DCLK2: variants seen among roughly 807,000 people sequenced by gnomAD.
The protein encoded by DCLK2 is doublecortin like kinase 2, also known as serine/threonine-protein kinase DCLK2.
In DCLK2, 31 loss-of-function variants were observed where a neutral mutation model predicts 78.4. The observed-to-expected ratio is 0.40, with a 90% CI of 0.30 to 0.53. The LOEUF is 0.53. Among genes scored for constraint, DCLK2 ranks in the 20% least tolerant of loss-of-function variants. The pLI is 0.61. For missense variants in DCLK2, 872 were observed against 973.7 expected (o/e 0.90, Z 1.39); for synonymous variants, 407 against 374.9 (o/e 1.09, Z -0.99).
intron 2 of DCLK2, among the ~76,000 whole-genome samples, chr4:150,184,009 C>A (rs562432537): frequency 1.8e-3 from 280 of 152,308 alleles, no homozygotes; most frequent in South Asian, 2.9e-3. Flanking sequence ...GCTGGGATTA[C>A]AGGCGTGAGC....
In DCLK2 at chr4:150,240,441, A is replaced by G. The variant is rs760438863; in HGVS notation, c.1743A>G (p.Thr581=). Residue 581 remains threonine (T), a synonymous_variant, in exon 12 of 16, where the codon ACA becomes ACG. Coordinates refer to ENST00000296550, the MANE Select transcript of DCLK2 (RefSeq NM_001040260.4). ...ACATTTGGGCAGCTGGTGTGATCACATACATACTTCTCTGTGGATTCCCAC... is the reference window on the plus strand; with the variant it reads ...ACATTTGGGCAGCTGGTGTGATCACGTACATACTTCTCTGTGGATTCCCAC... ...KVDIWAAGVI[T]YILLCGFPPF... 1 of 1,613,820 alleles carries G rather than the reference A, an allele frequency of 6.2e-7. No individual in the cohort carries two copies. The highest frequency in any genetic ancestry group is 8.5e-7 in the Non-Finnish European group (1 of 1,179,860).
At chr4:150,103,965 A>G (rs1326195441) in intron 2 of DCLK2, among the ~76,000 whole-genome samples, 1 of 152,118 alleles carries the variant, frequency 6.6e-6, no homozygotes, top group African/African-American at 2.4e-5. Flanking sequence ...AAAACACCTT[A>G]AGATTTACTC....
chr4:150,190,809 C>G (rs1738394505), intron 2 of DCLK2, among the ~76,000 whole-genome samples: 1 of 152,006 alleles, frequency 6.6e-6, no homozygotes, highest in African/African-American at 2.4e-5. Flanking sequence ...AATTACAGCT[C>G]AATAAACGCT....
intron 2 of DCLK2, among the ~76,000 whole-genome samples, chr4:150,117,904 A>G (rs1025436054): frequency 1.3e-5 from 2 of 152,220 alleles, no homozygotes; most frequent in African/African-American, 4.8e-5. Context: ...TGGTAGAGGC[A>G]TGCAAACAAT....
intron 1 of DCLK2, among the ~76,000 whole-genome samples, chr4:150,080,057 C>A (rs973532354): frequency 6.6e-6 from 1 of 151,068 alleles, no homozygotes; most frequent in Admixed American, 6.6e-5. Context: ...CCCCAGATAT[C>A]CTGATTAAAT....
intron 2 of DCLK2, among the ~76,000 whole-genome samples, chr4:150,190,447 A>G (rs1036308771): frequency 5.9e-5 from 9 of 152,324 alleles, no homozygotes; most frequent in South Asian, 2.1e-4. Context: ...TTATATATCC[A>G]TACCATGGAC....
intron 12 of DCLK2, among the ~76,000 whole-genome samples, chr4:150,242,841 G>C (rs1298236710): frequency 6.6e-6 from 1 of 152,130 alleles, no homozygotes; most frequent in Non-Finnish European, 1.5e-5. Flanking sequence ...TAGTGGGAAG[G>C]GAATAATTTG....
chr4:150,253,903 C>T (rs1560919431), intron 15 of DCLK2: 16 of 985,374 alleles, frequency 1.6e-5, no homozygotes, highest in Non-Finnish European at 1.9e-5. Flanking sequence ...TGTTCTTTCT[C>T]CAGCTGCATT....
Position 150,256,209 on chromosome 4 carries a change from G to T in DCLK2, c.2263G>T (p.Gly755Cys). The change falls in exon 16 of 16, where the codon GGT becomes TGT. Residue 755 changes from glycine to cysteine, a missense_variant. By Grantham distance (159) the Gly-to-Cys change is radical (BLOSUM62 -3). Around this residue, in one of 3 missense-constraint regions of DCLK2, gnomAD observed 219 missense variants for 230.1 expected, o/e 0.95. Transcript: ENST00000296550. ...TPHPPPAAPG[G>C]ERAGTWRRHR... is the part of the protein sequence containing the mutation. ...CCACCCTCCTCCCGCTGCCCCGGGT[G>T]GTGAGCGGGCAGGAACCTGGCGCCG... 6.5e-7 allele frequency: 1 copy of T among 1,544,032 alleles called. No homozygotes were observed. Among genetic ancestry groups the T allele is most frequent in the Non-Finnish European group, 8.7e-7 (1 of 1,145,706 alleles).
chr4:150,140,305 C>G (rs1299617635), intron 2 of DCLK2, among the ~76,000 whole-genome samples: 1 of 152,136 alleles, frequency 6.6e-6, no homozygotes, highest in Non-Finnish European at 1.5e-5. Flanking sequence ...TACCTTTTGA[C>G]CTTGTTTTCT....
rs976016791 is a variant in DCLK2, at chr4:150,256,691, CT to C, written c.*454del. 2.0e-4 allele frequency: 23 copies of C among 116,338 alleles called. No individual in the cohort carries two copies. Among genetic ancestry groups the C allele is most frequent in the Non-Finnish European group, 3.6e-4 (18 of 50,332 alleles). 7.2% of individuals were successfully genotyped at this position (116,338 alleles called of 1,614,324 possible). A position where few individuals can be genotyped will look rare whatever the true frequency, so the allele number is the denominator to read the frequency against. On this transcript the variant is annotated 3_prime_UTR_variant, in exon 16 of 16. Transcript: ENST00000296550. ...TCTTTTCTTTTCTCTCTCTCTCTCT[CT>C]TTTTTTTTTACGAAAGACTTAGAAT...
rs867512596 is a variant in DCLK2, at chr4:150,175,119, T to A, written c.757-18019T>A. 3.2e-3 allele frequency among the ~76,000 whole-genome samples: 320 copies of A among 98,572 alleles called. 36 individuals carry two copies. The highest frequency in any genetic ancestry group is 0.016 in the African/African-American group (304 of 18,568). The allele number at this position is 98,572 out of a possible 152,430, so 64.7% of individuals were successfully genotyped here. On this transcript the variant is annotated intron_variant, in intron 2 of 15. Transcript: ENST00000296550. ...TTATATATATTTATATATTTATATT[T>A]TTTATATATATATAATTTATGTATA... is the stretch of plus-strand genomic sequence containing the variant.
At chr4:150,182,381 G>C (rs1419606776) in intron 2 of DCLK2, among the ~76,000 whole-genome samples, 1 of 152,006 alleles carries the variant, frequency 6.6e-6, no homozygotes, top group African/African-American at 2.4e-5. Context: ...TTTATCCTAG[G>C]GGTAGAACTG....
chr4:150,197,612 G>A (rs1739146889), intron 3 of DCLK2, among the ~76,000 whole-genome samples: 1 of 152,020 alleles, frequency 6.6e-6, no homozygotes, highest in South Asian at 2.1e-4. Context: ...AAAATTAGCT[G>A]GGCATGGTGG....
At chr4:150,232,197 G>T in intron 8 of DCLK2, 140 bp from the exon 9 acceptor site, 1 of 1,050,620 alleles carries the variant, frequency 9.5e-7, no homozygotes. Context: ...ATTAGGTCAG[G>T]TTTAGTTGTC....
At chr4:150,098,272 G>T (rs949650959) in intron 1 of DCLK2, among the ~76,000 whole-genome samples, 58 of 152,086 alleles carry the variant, frequency 3.8e-4, no homozygotes, top group African/African-American at 1.2e-3. Context: ...GGGATGTTTG[G>T]TATTGTGGAT....
chr4:150,231,199 G>A (rs917435165), intron 8 of DCLK2, among the ~76,000 whole-genome samples: 11 of 152,210 alleles, frequency 7.2e-5, no homozygotes, highest in Non-Finnish European at 8.8e-5. Context: ...CAAGGATAAA[G>A]TGTTCAAACA....
At chr4:150,183,192 C>T (rs1158841366) in intron 2 of DCLK2, among the ~76,000 whole-genome samples, 1 of 152,160 alleles carries the variant, frequency 6.6e-6, no homozygotes, top group Admixed American at 6.5e-5. Context: ...CACTGAGATC[C>T]AGTGATGTTC....
intron 14 of DCLK2, 39 bp from the exon 15 acceptor site, chr4:150,249,529 T>G (rs767612323): frequency 1.9e-6 from 3 of 1,573,464 alleles, no homozygotes; most frequent in Non-Finnish European, 2.6e-6. Context: ...AACGGGAGGA[T>G]GGAAAAAGCA....
Sources: gnomAD v4.1 joint callset for allele counts (sites outside exome capture counted in the v4.1 genomes callset) on GRCh38, gnomAD v4.1.1 for gene constraint, gnomAD v4.1.1 regional missense constraint, MANE v1.5 for transcripts, NCBI Gene and HGNC (gene_info 2026-07-23, HGNC 2026-07-21) for gene names.